MAP3K20: variants seen among roughly 807,000 people sequenced by gnomAD.
MAP3K20 encodes HCCS-4.
In MAP3K20, 40 loss-of-function variants were observed where a neutral mutation model predicts 85.7. The observed-to-expected ratio is 0.47, with a 90% CI of 0.36 to 0.61. MAP3K20 has a LOEUF of 0.61. Ranked by LOEUF, MAP3K20 falls within the 20% of genes least tolerant of loss-of-function variation. MAP3K20 has a pLI of 0.00. For synonymous variants in MAP3K20, 325 were observed against 327.7 expected, an observed-to-expected ratio of 0.99 and a Z score of 0.09; for missense variants, 817 against 961.7, an observed-to-expected ratio of 0.85 and a Z score of 1.99.
At chr2:173,228,358 T>A (rs1361889910) in intron 11 of MAP3K20, among the ~76,000 whole-genome samples, 1 of 152,058 alleles carries the variant, frequency 6.6e-6, no homozygotes, top group African/African-American at 2.4e-5. Context: ...TTGTTGCTTC[T>A]CTTTACCCGG....
chr2:173,163,963 T>C (rs1381138357), intron 2 of MAP3K20, among the ~76,000 whole-genome samples: 1 of 145,038 alleles, frequency 6.9e-6, no homozygotes, highest in Non-Finnish European at 1.5e-5. Context: ...ATTTCTTGAC[T>C]TTTTTTTTTT....
chr2:173,223,712 G>T (rs1026781854), intron 11 of MAP3K20: 1 of 985,290 alleles, frequency 1.0e-6, no homozygotes, highest in South Asian at 4.7e-5. Flanking sequence ...CTCCCTAAAA[G>T]ATGGATTCCC....
Position 173,261,131 on chromosome 2 carries a change from A to G in MAP3K20, c.1545A>G (p.Thr515=), listed in dbSNP as rs774700240. 4.7e-5 allele frequency: 76 copies of G among 1,613,482 alleles called. No individual in the cohort carries two copies. The South Asian group carries it at 8.2e-4, about 17-fold the overall frequency. Residue 515 remains threonine (T), a synonymous_variant, in exon 18 of 20, where the codon ACA becomes ACG. Coordinates refer to ENST00000375213, the MANE Select transcript of MAP3K20 (RefSeq NM_016653.3). The part of the protein sequence containing the change: ...AKSQTVECTV[T]YESDVRTPKS... ...GTCAGACTGTGGAGTGCACTGTCAC[A>G]TATGAGGTAAGCTCTGGGGGCAAGA...
chr2:173,097,385 C>T (rs1307205032), intron 2 of MAP3K20, among the ~76,000 whole-genome samples: 1 of 151,976 alleles, frequency 6.6e-6, no homozygotes, highest in African/African-American at 2.4e-5. Flanking sequence ...AAACAAAACA[C>T]AATTAATCAC....
At position 173,258,591 on chromosome 2, in the gene MAP3K20, CA is replaced by C. The variant is rs1423910222; in HGVS notation, c.1360-107del. ...ATTGAAAAAGGAAAAAAAAAAAAGC[CA>C]CTCCAATAATACTTCATTTAGAATA... On this transcript the variant is annotated intron_variant, in intron 16 of 19. Transcript: ENST00000375213. 1.0e-5 allele frequency: 6 copies of C among 591,102 alleles called. No homozygotes were observed. The East Asian group carries it at 1.8e-4, about 17-fold the overall frequency. 36.6% of individuals were successfully genotyped at this position (591,102 alleles called of 1,614,324 possible). A position where few individuals can be genotyped will look rare whatever the true frequency, so the allele number is the denominator to read the frequency against.
rs1213389839 is a variant in MAP3K20, at chr2:173,209,910, A to G, written c.851+75A>G. The G allele has an allele frequency of 9.3e-6, 12 of 1,287,624 alleles. No homozygotes were observed. The African/African-American group carries it at 1.6e-4, about 17-fold the overall frequency. The allele number at this position is 1,287,624 out of a possible 1,614,324, so 79.8% of individuals were successfully genotyped here. A position where few individuals can be genotyped will look rare whatever the true frequency, so the allele number is the denominator to read the frequency against. ...ACTCGTCTCAATGAAGAAGTGAACC[A>G]GAGATCTGAATGACAGTCCTGATTT... On this transcript the variant is annotated intron_variant, in intron 10 of 19. Coordinates refer to ENST00000375213, the MANE Select transcript of MAP3K20 (RefSeq NM_016653.3).
At chr2:173,110,344 C>T (rs1373565770) in intron 2 of MAP3K20, among the ~76,000 whole-genome samples, 1 of 142,802 alleles carries the variant, frequency 7.0e-6, no homozygotes, top group East Asian at 2.1e-4. Context: ...GCCCTGACCT[C>T]CTGGGCTCAG....
chr2:173,188,281 CAG>C (rs1690549119), intron 5 of MAP3K20, among the ~76,000 whole-genome samples: 1 of 152,086 alleles, frequency 6.6e-6, no homozygotes, highest in South Asian at 2.1e-4. Flanking sequence ...GGAGTGGTAA[CAG>C]AATGCTTCTT....
chr2:173,209,940 C>T (rs765019690), intron 10 of MAP3K20, 105 bp downstream of exon 10: 3 of 1,037,814 alleles, frequency 2.9e-6, no homozygotes, highest in Non-Finnish European at 4.5e-6. Context: ...TGATTTCTGA[C>T]CATAGCTTAG....
intron 11 of MAP3K20, among the ~76,000 whole-genome samples, chr2:173,219,675 T>G (rs1684176439): frequency 6.6e-6 from 1 of 152,198 alleles, no homozygotes; most frequent in Non-Finnish European, 1.5e-5. Context: ...TTGAGTTGAA[T>G]TATATGAAAT....
chr2:173,172,284 C>T (rs1690020463), intron 3 of MAP3K20, among the ~76,000 whole-genome samples: 2 of 151,678 alleles, frequency 1.3e-5, no homozygotes, highest in South Asian at 4.2e-4. Context: ...AGTGGAGGCT[C>T]TGAAGGAGGA....
At chr2:173,257,090 G>A (rs896527104) in intron 16 of MAP3K20, among the ~76,000 whole-genome samples, 7 of 152,144 alleles carry the variant, frequency 4.6e-5, no homozygotes, top group Non-Finnish European at 1.0e-4. Context: ...CTGGAGCTTG[G>A]GAGGTCAAGA....
intron 7 of MAP3K20, among the ~76,000 whole-genome samples, chr2:173,196,366 C>G (rs957648892): frequency 1.3e-5 from 2 of 151,774 alleles, no homozygotes; most frequent in African/African-American, 4.8e-5. Flanking sequence ...CATACCTGTT[C>G]TGTCACCCTT....
chr2:173,148,811 T>C (rs1689211737), intron 2 of MAP3K20, among the ~76,000 whole-genome samples: 1 of 152,220 alleles, frequency 6.6e-6, no homozygotes, highest in South Asian at 2.1e-4. Context: ...CTTCTTTGAC[T>C]GTATAGCTCT....
chr2:173,187,721 T>C (rs967189830), intron 5 of MAP3K20, 98 bp downstream of exon 5: 97 of 1,086,242 alleles, frequency 8.9e-5, no homozygotes, highest in Middle Eastern at 8.3e-4. Context: ...TTTTGTAACC[T>C]ACTATTGGAC....
intron 2 of MAP3K20, among the ~76,000 whole-genome samples, chr2:173,118,022 G>A (rs182437709): frequency 6.6e-6 from 1 of 152,272 alleles, no homozygotes; most frequent in East Asian, 1.9e-4. Context: ...GGGGTTTTCT[G>A]TTCTTTATAC....
intron 2 of MAP3K20, among the ~76,000 whole-genome samples, chr2:173,168,428 G>T (rs530456772): frequency 2.0e-5 from 3 of 151,974 alleles, no homozygotes; most frequent in Non-Finnish European, 2.9e-5. Flanking sequence ...ACCCTATGCC[G>T]ACCCTCAAAC....
At chr2:173,207,642 AG>A (rs1683733094) in intron 9 of MAP3K20, 2 of 151,924 alleles carry the variant, frequency 1.3e-5, no homozygotes, top group African/African-American at 4.8e-5. Flanking sequence ...TACTCTTCTG[AG>A]ACTTGTGGTC....
chr2:173,125,159 T>G (rs972968981), intron 2 of MAP3K20, among the ~76,000 whole-genome samples: 2 of 152,220 alleles, frequency 1.3e-5, no homozygotes, highest in Admixed American at 1.3e-4. Flanking sequence ...TGAGAAGGAA[T>G]GGGTATACCA....
Sources: gnomAD v4.1 joint callset for allele counts (sites outside exome capture counted in the v4.1 genomes callset) on GRCh38, gnomAD v4.1.1 for gene constraint, MANE v1.5 for transcripts, NCBI Gene and HGNC (gene_info 2026-07-23, HGNC 2026-07-21) for gene names.